HS6ST3: variants seen among roughly 807,000 people sequenced by gnomAD.
HS6ST3 encodes heparan sulfate 6-O-sulfotransferase 3, also known as heparan-sulfate 6-O-sulfotransferase 3.
Under a neutral mutation model 36.7 loss-of-function variants are expected in HS6ST3, and 12 were observed. The observed-to-expected ratio is 0.33, with a 90% CI of 0.21 to 0.53. The LOEUF is 0.53. Among genes scored for constraint, HS6ST3 ranks in the 20% least tolerant of loss-of-function variants. The probability of loss-of-function intolerance (pLI) is 0.95; values close to 1 mark genes in which losing one functional copy is unlikely to be tolerated. For synonymous variants in HS6ST3, 240 were observed against 257.5 expected, an observed-to-expected ratio of 0.93 and a Z score of 0.65; for missense variants, 584 against 640.9, an observed-to-expected ratio of 0.91 and a Z score of 0.96.
intron 1 of HS6ST3, among the ~76,000 whole-genome samples, chr13:96,392,191 C>T (rs1476507917): frequency 6.6e-6 from 1 of 152,222 alleles, no homozygotes; most frequent in Non-Finnish European, 1.5e-5. Flanking sequence ...TGCTTCAGCA[C>T]ATACCTGTAG....
chr13:96,146,940 G>T (rs967720666), intron 1 of HS6ST3, among the ~76,000 whole-genome samples: 1 of 152,192 alleles, frequency 6.6e-6, no homozygotes, highest in African/African-American at 2.4e-5. Context: ...AGCTGCAAAA[G>T]AAGGTTGTTA....
rs574509173 is a variant in HS6ST3, at chr13:96,341,040, A to G, written c.707+249471A>G. Reference sequence around the variant, plus strand: ...GGAGGGAAGATGGCATACATTTGCTATGGAATAAAAATAATCTATAAAATA... The same window carrying G: ...GGAGGGAAGATGGCATACATTTGCTGTGGAATAAAAATAATCTATAAAATA... On this transcript the variant is annotated intron_variant, in intron 1 of 1. Transcript: ENST00000376705. Among the ~76,000 whole-genome samples the G allele has an allele frequency of 3.9e-5, 6 of 152,346 alleles. No homozygotes were observed. In the South Asian group the frequency reaches 1.2e-3, roughly 32 times the overall value.
At chr13:96,330,497 G>A (rs2055060068) in intron 1 of HS6ST3, among the ~76,000 whole-genome samples, 1 of 151,590 alleles carries the variant, frequency 6.6e-6, no homozygotes, top group African/African-American at 2.4e-5. Flanking sequence ...CTTTAAGAAT[G>A]TTGAATATTG....
chr13:96,373,634 G>A (rs1316811423), intron 1 of HS6ST3, among the ~76,000 whole-genome samples: 2 of 152,068 alleles, frequency 1.3e-5, no homozygotes, highest in African/African-American at 2.4e-5. Flanking sequence ...TTTTTTTCAT[G>A]TTGTTAACAA....
chr13:96,560,727 C>G (rs4119692), intron 1 of HS6ST3, among the ~76,000 whole-genome samples: 13,245 of 152,100 alleles, frequency 0.087, 1,059 homozygotes, highest in African/African-American at 0.22. Flanking sequence ...TTTCTATACA[C>G]CAATAATGAA....
chr13:96,803,749 A>C (rs1357910820), intron 1 of HS6ST3, among the ~76,000 whole-genome samples: 2 of 152,130 alleles, frequency 1.3e-5, no homozygotes, highest in Non-Finnish European at 2.9e-5. Flanking sequence ...GGCATGGGTA[A>C]TTCTAGCATC....
At chr13:96,589,337 G>T (rs915081477) in intron 1 of HS6ST3, among the ~76,000 whole-genome samples, 7 of 151,862 alleles carry the variant, frequency 4.6e-5, no homozygotes, top group Non-Finnish European at 8.8e-5. Context: ...ATGTATAATT[G>T]TTCATAAAAG....
At chr13:96,465,877 T>G (rs1337745224) in intron 1 of HS6ST3, among the ~76,000 whole-genome samples, 1 of 152,238 alleles carries the variant, frequency 6.6e-6, no homozygotes, top group Non-Finnish European at 1.5e-5. Flanking sequence ...TTTAAATTTT[T>G]AAAGATTTCT....
chr13:96,166,667 C>T (rs1402668512), intron 1 of HS6ST3, among the ~76,000 whole-genome samples: 4 of 150,776 alleles, frequency 2.7e-5, no homozygotes, highest in African/African-American at 9.8e-5. Context: ...CCACCTTGGC[C>T]TCCCAAAGTG....
At chr13:96,185,549 ATT>A (rs1424657830) in intron 1 of HS6ST3, among the ~76,000 whole-genome samples, 1 of 152,200 alleles carries the variant, frequency 6.6e-6, no homozygotes, top group African/African-American at 2.4e-5. Context: ...CATTTCAAAC[ATT>A]CTGAAGTGCT....
At chr13:96,588,062 A>G (rs534554220) in intron 1 of HS6ST3, among the ~76,000 whole-genome samples, 3 of 152,252 alleles carry the variant, frequency 2.0e-5, no homozygotes, top group East Asian at 3.9e-4. Flanking sequence ...GTTTGCTCTT[A>G]GTCAATAGAA....
At chr13:96,235,067 A>G (rs1051021733) in intron 1 of HS6ST3, among the ~76,000 whole-genome samples, 2 of 152,140 alleles carry the variant, frequency 1.3e-5, no homozygotes, top group Non-Finnish European at 2.9e-5. Context: ...CTCTCAGCTG[A>G]TTTATCCAAT....
At chr13:96,293,541 T>A (rs950708751) in intron 1 of HS6ST3, among the ~76,000 whole-genome samples, 1 of 152,116 alleles carries the variant, frequency 6.6e-6, no homozygotes, top group Admixed American at 6.6e-5. Flanking sequence ...AGATAAGACA[T>A]ACACACATAT....
At chr13:96,112,497 C>T (rs568945) in intron 1 of HS6ST3, among the ~76,000 whole-genome samples, 118,228 of 143,698 alleles carry the variant, frequency 0.82, 49,043 homozygotes, top group East Asian at 0.92. Flanking sequence ...CTTTGGGAGA[C>T]TGAGGCGGGT....
rs116757492 is a variant in HS6ST3 at position 96,201,722 on chromosome 13, G to A, written c.707+110153G>A. Among the ~76,000 whole-genome samples the A allele has an allele frequency of 3.8e-3, 576 of 152,216 alleles. 6 individuals are homozygous for A. Among genetic ancestry groups the A allele is most frequent in the African/African-American group, 0.013 (549 of 41,532 alleles). The stretch of plus-strand genomic sequence containing the variant: ...TACCATGTGAGAATTATATGAATAC[G>A]TTTTCGTGAAATTGATGAGGATGGG... On this transcript the variant is annotated intron_variant, in intron 1 of 1. Transcript: ENST00000376705.
intron 1 of HS6ST3, among the ~76,000 whole-genome samples, chr13:96,163,711 AC>A (rs536239618): frequency 4.6e-5 from 7 of 152,024 alleles, no homozygotes; most frequent in Non-Finnish European, 1.0e-4. Flanking sequence ...TTAATAAAAA[AC>A]CCTTTTCCCC....
intron 1 of HS6ST3, among the ~76,000 whole-genome samples, chr13:96,561,535 T>C (rs2056262092): frequency 6.6e-6 from 1 of 152,038 alleles, no homozygotes. Context: ...AATTGACAAG[T>C]GGGACCTAAG....
intron 1 of HS6ST3, among the ~76,000 whole-genome samples, chr13:96,831,980 A>C (rs9516770): frequency 9.2e-5 from 13 of 141,998 alleles, no homozygotes; most frequent in African/African-American, 3.1e-4. Flanking sequence ...AAAAAAAAAA[A>C]CAGAGATTAA....
At chr13:96,569,892 A>G (rs1346701278) in intron 1 of HS6ST3, among the ~76,000 whole-genome samples, 1 of 152,154 alleles carries the variant, frequency 6.6e-6, no homozygotes, top group Non-Finnish European at 1.5e-5. Context: ...GGTTGTCAAA[A>G]AGAGTATTAA....
Sources: gnomAD v4.1 joint callset for allele counts (sites outside exome capture counted in the v4.1 genomes callset) on GRCh38, gnomAD v4.1.1 for gene constraint, MANE v1.5 for transcripts, NCBI Gene and HGNC (gene_info 2026-07-23, HGNC 2026-07-21) for gene names.